TSPAN18: variants seen among roughly 807,000 people sequenced by gnomAD.
The protein encoded by TSPAN18 is tetraspanin-18.
A neutral mutation model predicts 27.3 loss-of-function variants in TSPAN18; 14 were observed. The ratio of observed to expected loss-of-function variants is 0.51; its 90% CI spans 0.34 to 0.80. TSPAN18 has a LOEUF of 0.80. Among genes scored for constraint, TSPAN18 ranks in the 30% least tolerant of loss-of-function variants. The pLI is 0.01. For synonymous variants in TSPAN18, 143 were observed against 136.5 expected, an observed-to-expected ratio of 1.05 and a Z score of -0.33; for missense variants, 268 against 323.9, an observed-to-expected ratio of 0.83 and a Z score of 1.32.
Position 44,931,437 on chromosome 11 carries a change from A to C in TSPAN18, c.*2259A>C, listed in dbSNP as rs995024716. The C allele has an allele frequency of 1.9e-5, 3 of 155,482 alleles. No homozygotes were observed. The East Asian group carries it at 5.7e-4, about 30-fold the overall frequency. The allele number at this position is 155,482 out of a possible 1,614,324, so 9.6% of individuals were successfully genotyped here. A position where few individuals can be genotyped will look rare whatever the true frequency, so the allele number is the denominator to read the frequency against. On this transcript the variant is annotated 3_prime_UTR_variant, in exon 10 of 10. Transcript: ENST00000520358. ...CAGGCTTCTGGGGCCCACAGAAGTC[A>C]GAGGGAGGACCCAAGAGAAAGGGCT...
At chr11:44,892,490 C>T (rs1858887322) in intron 3 of TSPAN18, among the ~76,000 whole-genome samples, 1 of 152,252 alleles carries the variant, frequency 6.6e-6, no homozygotes, top group Admixed American at 6.5e-5. Flanking sequence ...GTGGGTTTCC[C>T]AGGTTGCCTT....
At chr11:44,895,023 G>A (rs1003769570) in intron 3 of TSPAN18, among the ~76,000 whole-genome samples, 7 of 152,198 alleles carry the variant, frequency 4.6e-5, no homozygotes, top group Admixed American at 4.6e-4. Context: ...TCTGTAAAAT[G>A]GGATAATAAT....
intron 2 of TSPAN18, among the ~76,000 whole-genome samples, chr11:44,855,934 G>A (rs1857725689): frequency 1.3e-5 from 2 of 152,074 alleles, no homozygotes; most frequent in South Asian, 4.2e-4. Flanking sequence ...CCAGGCTGGA[G>A]TGCAGTGGTG....
intron 2 of TSPAN18, among the ~76,000 whole-genome samples, chr11:44,768,226 T>G (rs1026541666): frequency 6.6e-6 from 1 of 152,208 alleles, no homozygotes; most frequent in East Asian, 1.9e-4. Flanking sequence ...AGTCTTCCTA[T>G]TTTTGAACAC....
At chr11:44,770,277 C>T (rs1233688832) in intron 2 of TSPAN18, among the ~76,000 whole-genome samples, 1 of 151,960 alleles carries the variant, frequency 6.6e-6, no homozygotes, top group South Asian at 2.1e-4. Context: ...GGGAATGACT[C>T]GGGTGGTGGG....
intron 3 of TSPAN18, among the ~76,000 whole-genome samples, chr11:44,896,632 C>CTA (rs1213344250): frequency 6.6e-6 from 1 of 152,158 alleles, no homozygotes; most frequent in Non-Finnish European, 1.5e-5. Context: ...CTTCCCATCT[C>CTA]TACCTCTGCA....
At chr11:44,908,307 A>G (rs539468796) in intron 4 of TSPAN18, among the ~76,000 whole-genome samples, 1 of 152,028 alleles carries the variant, frequency 6.6e-6, no homozygotes, top group Non-Finnish European at 1.5e-5. Flanking sequence ...CAACCCTCAC[A>G]CAGGCCTCTT....
At chr11:44,763,150 T>C (rs1396062421) in intron 1 of TSPAN18, among the ~76,000 whole-genome samples, 1 of 152,194 alleles carries the variant, frequency 6.6e-6, no homozygotes, top group Non-Finnish European at 1.5e-5. Context: ...TGATCATCAT[T>C]ATCATTCGAG....
At chr11:44,819,473 A>C (rs753067751) in intron 2 of TSPAN18, among the ~76,000 whole-genome samples, 3 of 152,074 alleles carry the variant, frequency 2.0e-5, no homozygotes, top group Non-Finnish European at 4.4e-5. Context: ...AAAACTGCTA[A>C]TTGTCAGGGT....
At chr11:44,887,387 G>A (rs576311295) in intron 3 of TSPAN18, among the ~76,000 whole-genome samples, 1 of 152,348 alleles carries the variant, frequency 6.6e-6, no homozygotes, top group Admixed American at 6.5e-5. Flanking sequence ...TACTCAAAGA[G>A]CACTGGCTTT....
chr11:44,919,773 T>A (rs755479627), intron 7 of TSPAN18, 44 bp from the exon 8 acceptor site: 2 of 1,598,542 alleles, frequency 1.3e-6, no homozygotes, highest in South Asian at 2.2e-5. Flanking sequence ...CGCCCCTGTG[T>A]CCTCCTCCTG....
At chr11:44,885,470 G>GGGTT (rs1565191254) in intron 3 of TSPAN18, among the ~76,000 whole-genome samples, 2 of 152,138 alleles carry the variant, frequency 1.3e-5, no homozygotes, top group African/African-American at 4.8e-5. Flanking sequence ...AGAGCCTGAC[G>GGGTT]GGTTGGTGGA....
chr11:44,761,766 G>A (rs972657410), intron 1 of TSPAN18, among the ~76,000 whole-genome samples: 4 of 152,210 alleles, frequency 2.6e-5, no homozygotes, highest in African/African-American at 9.7e-5. Flanking sequence ...ACTAATACGT[G>A]TTCCGTGCAG....
At chr11:44,790,863 C>T (rs1244229121) in intron 2 of TSPAN18, among the ~76,000 whole-genome samples, 1 of 152,146 alleles carries the variant, frequency 6.6e-6, no homozygotes, top group African/African-American at 2.4e-5. Flanking sequence ...CAAATCATAG[C>T]CAGGACAGGG....
At chr11:44,791,707 G>A (rs1157577205) in intron 2 of TSPAN18, among the ~76,000 whole-genome samples, 1 of 152,196 alleles carries the variant, frequency 6.6e-6, no homozygotes, top group Admixed American at 6.5e-5. Context: ...TGGGCTCCGG[G>A]AGCAATGTGC....
chr11:44,911,689 A>G (rs1859721520), intron 5 of TSPAN18, among the ~76,000 whole-genome samples: 1 of 151,830 alleles, frequency 6.6e-6, no homozygotes, highest in Non-Finnish European at 1.5e-5. Flanking sequence ...CTCTGAAGCC[A>G]AGACAGGAAG....
chr11:44,769,028 G>A (rs954995595), intron 2 of TSPAN18, among the ~76,000 whole-genome samples: 1 of 151,498 alleles, frequency 6.6e-6, no homozygotes, highest in Admixed American at 6.6e-5. Context: ...CCGAATAGCT[G>A]AGATTACAGG....
intron 3 of TSPAN18, among the ~76,000 whole-genome samples, chr11:44,869,670 C>T (rs1347882903): frequency 2.0e-5 from 3 of 152,214 alleles, no homozygotes; most frequent in African/African-American, 7.2e-5. Flanking sequence ...CAGGCCCCGT[C>T]CATGACTTTA....
At chr11:44,745,987 A>G (rs1271081220) in intron 1 of TSPAN18, among the ~76,000 whole-genome samples, 1 of 152,244 alleles carries the variant, frequency 6.6e-6, no homozygotes, top group Non-Finnish European at 1.5e-5. Flanking sequence ...AGATCGTGCC[A>G]CTGCACTCCA....
Sources: gnomAD v4.1 joint callset for allele counts (sites outside exome capture counted in the v4.1 genomes callset) on GRCh38, gnomAD v4.1.1 for gene constraint, MANE v1.5 for transcripts, NCBI Gene and HGNC (gene_info 2026-07-23, HGNC 2026-07-21) for gene names.